Variants in CDH18 observed in about 807,000 individuals in gnomAD.
The protein encoded by CDH18 is cadherin 18.
In CDH18, 31 loss-of-function variants were observed where a neutral mutation model predicts 67.9. The observed-to-expected ratio is 0.46, with a 90% CI of 0.34 to 0.62. The LOEUF is 0.62. Among genes scored for constraint, CDH18 ranks in the 20% least tolerant of loss-of-function variants. The probability of loss-of-function intolerance (pLI) is 0.01; values close to 1 mark genes in which losing one functional copy is unlikely to be tolerated. For synonymous variants in CDH18, 362 were observed against 347.2 expected, an observed-to-expected ratio of 1.04 and a Z score of -0.48; for missense variants, 890 against 975.5, an observed-to-expected ratio of 0.91 and a Z score of 1.17.
At chr5:20,542,119 T>C (rs1261507587) in intron 1 of CDH18, among the ~76,000 whole-genome samples, 1 of 152,166 alleles carries the variant, frequency 6.6e-6, no homozygotes, top group African/African-American at 2.4e-5. Flanking sequence ...CTAATTTTTG[T>C]ATTTTTAATA....
chr5:20,539,011 C>T (rs765663088), intron 1 of CDH18, among the ~76,000 whole-genome samples: 1 of 144,636 alleles, frequency 6.9e-6, no homozygotes, highest in Non-Finnish European at 1.5e-5. Flanking sequence ...GCGTCATACT[C>T]CCAAGTAGCT....
intron 2 of CDH18, among the ~76,000 whole-genome samples, chr5:20,156,726 AAC>A (rs1258366911): frequency 1.3e-5 from 2 of 152,186 alleles, no homozygotes; most frequent in African/African-American, 4.8e-5. Context: ...TCAAAAGAAC[AAC>A]AAAAGGAGGG....
intron 2 of CDH18, among the ~76,000 whole-genome samples, chr5:19,957,774 T>C (rs550398266): frequency 1.3e-5 from 2 of 152,188 alleles, no homozygotes; most frequent in South Asian, 4.1e-4. Context: ...TCTGTTGTAA[T>C]TTATGAGATG....
At chr5:20,530,672 C>T (rs112748028) in intron 1 of CDH18, among the ~76,000 whole-genome samples, 61,354 of 151,976 alleles carry the variant, frequency 0.4, 13,729 homozygotes, top group East Asian at 0.57. Context: ...ACTGGGAAAA[C>T]TGGCTAGCCA....
At chr5:20,570,292 C>A in intron 1 of CDH18, among the ~76,000 whole-genome samples, 1 of 151,914 alleles carries the variant, frequency 6.6e-6, no homozygotes, top group Admixed American at 6.6e-5. Context: ...ATGTAGGAAC[C>A]CTCCTCTTTT....
rs553395677 is a variant in CDH18 at position 19,537,478 on chromosome 5, A to C, written c.1390+6391T>G. The stretch of plus-strand genomic sequence containing the variant: ...ACATACACATTACACACACACACAC[A>C]CCCACGCATCCTCCCTATCGCTCTG... On this transcript the variant is annotated intron_variant, in intron 9 of 12. Transcript: ENST00000382275. 1.0e-3 allele frequency among the ~76,000 whole-genome samples: 156 copies of C among 152,126 alleles called. 1 individual carries two copies. Among genetic ancestry groups the C allele is most frequent in the South Asian group, 2.1e-3 (10 of 4,828 alleles).
chr5:20,277,890 T>C (rs1045992410), intron 1 of CDH18, among the ~76,000 whole-genome samples: 1 of 152,118 alleles, frequency 6.6e-6, no homozygotes, highest in African/African-American at 2.4e-5. Flanking sequence ...AATGTGTCAG[T>C]CTCTTAGCAG....
intron 1 of CDH18, among the ~76,000 whole-genome samples, chr5:20,355,460 T>C (rs1181980062): frequency 6.6e-6 from 1 of 152,324 alleles, no homozygotes; most frequent in African/African-American, 2.4e-5. Context: ...TCAAGTACAA[T>C]ACCCTGCTTG....
At chr5:19,835,702 A>T (rs1274423486) in intron 3 of CDH18, among the ~76,000 whole-genome samples, 1 of 152,106 alleles carries the variant, frequency 6.6e-6, no homozygotes, top group Admixed American at 6.6e-5. Flanking sequence ...GGGAGAAAAA[A>T]AATCTGTACA....
At chr5:19,549,391 T>C (rs1462649834) in intron 8 of CDH18, among the ~76,000 whole-genome samples, 1 of 152,200 alleles carries the variant, frequency 6.6e-6, no homozygotes, top group African/African-American at 2.4e-5. Flanking sequence ...GCTGGCACCA[T>C]GCTTCCTGCA....
At chr5:20,248,819 C>T (rs1041753989) in intron 2 of CDH18, among the ~76,000 whole-genome samples, 2 of 152,156 alleles carry the variant, frequency 1.3e-5, no homozygotes, top group African/African-American at 4.8e-5. Flanking sequence ...TCAATTTTAT[C>T]CACAGTTCTT....
At chr5:19,792,810 G>A (rs771875264) in intron 3 of CDH18, among the ~76,000 whole-genome samples, 18 of 151,990 alleles carry the variant, frequency 1.2e-4, no homozygotes, top group Non-Finnish European at 2.2e-4. Flanking sequence ...CATTAGTGCA[G>A]ACCAACATTT....
intron 2 of CDH18, among the ~76,000 whole-genome samples, chr5:19,882,974 GAAT>G (rs1292122372): frequency 6.6e-6 from 1 of 152,006 alleles, no homozygotes; most frequent in Non-Finnish European, 1.5e-5. Context: ...TTAATAACAA[GAAT>G]AATATATGCT....
chr5:20,299,435 CACACACA>C (rs1747785811), intron 1 of CDH18, among the ~76,000 whole-genome samples: 2 of 147,204 alleles, frequency 1.4e-5, no homozygotes, highest in Non-Finnish European at 3.0e-5. Flanking sequence ...CACACACACA[CACACACA>C]CACACACAAA....
At chr5:19,767,687 T>G (rs1235782664) in intron 3 of CDH18, among the ~76,000 whole-genome samples, 1 of 152,080 alleles carries the variant, frequency 6.6e-6, no homozygotes, top group Non-Finnish European at 1.5e-5. Context: ...ATCTACCAAG[T>G]CTTATAAATC....
chr5:19,818,766 C>G (rs1040778503), intron 3 of CDH18, among the ~76,000 whole-genome samples: 5 of 152,128 alleles, frequency 3.3e-5, no homozygotes, highest in African/African-American at 9.7e-5. Context: ...AACATAAAAA[C>G]AGTACAATAT....
chr5:19,733,976 CGCAGTGGGCTGAGT>C (rs1379968134), intron 4 of CDH18, among the ~76,000 whole-genome samples: 11 of 152,150 alleles, frequency 7.2e-5, no homozygotes, highest in African/African-American at 2.7e-4. Flanking sequence ...AGGGGCTGAG[CGCAGTGGGCTGAGT>C]AGGTGGGGTG....
chr5:20,227,423 G>C (rs1430209771), intron 2 of CDH18, among the ~76,000 whole-genome samples: 1 of 151,986 alleles, frequency 6.6e-6, no homozygotes, highest in Non-Finnish European at 1.5e-5. Context: ...CTGTGCTTCT[G>C]TTTCATAAAC....
intron 3 of CDH18, among the ~76,000 whole-genome samples, chr5:19,769,589 G>A (rs2149733998): frequency 6.6e-6 from 1 of 151,986 alleles, no homozygotes; most frequent in Admixed American, 6.6e-5. Context: ...CACCTTATAA[G>A]CAAAAGTTAA....
Sources: allele counts gnomAD v4.1 joint callset (sites outside exome capture counted in the v4.1 genomes callset), GRCh38; gene constraint gnomAD v4.1.1; transcripts MANE v1.5; gene names NCBI Gene and HGNC (gene_info 2026-07-23, HGNC 2026-07-21).